ARHGAP10: variants seen among roughly 807,000 people sequenced by gnomAD.
ARHGAP10 encodes Rho GTPase activating protein 10, also known as rho GTPase-activating protein 10.
A neutral mutation model predicts 108.6 loss-of-function variants in ARHGAP10; 87 were observed. The ratio of observed to expected loss-of-function variants is 0.80; its 90% CI spans 0.67 to 0.96. ARHGAP10 has a LOEUF of 0.96. Ranked by LOEUF, ARHGAP10 falls within the 40% of genes least tolerant of loss-of-function variation. The pLI is 0.00. For missense variants in ARHGAP10, 939 were observed against 954.5 expected (o/e 0.98, Z 0.21); for synonymous variants, 347 against 341.1 (o/e 1.02, Z -0.19).
At chr4:147,854,825 A>G in intron 4 of ARHGAP10, 3 of 985,396 alleles carry the variant, frequency 3.0e-6, no homozygotes, top group Non-Finnish European at 3.6e-6. Flanking sequence ...GGACGAAGAT[A>G]TTTCTATTCT....
At chr4:147,915,317 T>C (rs1736930492) in intron 13 of ARHGAP10, among the ~76,000 whole-genome samples, 1 of 152,248 alleles carries the variant, frequency 6.6e-6, no homozygotes, top group Non-Finnish European at 1.5e-5. Flanking sequence ...TTGTTTCTTA[T>C]CCTGGTACCT....
chr4:148,048,826 C>T (rs1729000994), intron 20 of ARHGAP10, among the ~76,000 whole-genome samples: 1 of 152,022 alleles, frequency 6.6e-6, no homozygotes, highest in Admixed American at 6.6e-5. Flanking sequence ...TATTTTTGGT[C>T]ATAAATCAAA....
At chr4:147,868,610 G>A (rs1394442516) in intron 7 of ARHGAP10, among the ~76,000 whole-genome samples, 1 of 152,132 alleles carries the variant, frequency 6.6e-6, no homozygotes, top group Non-Finnish European at 1.5e-5. Context: ...GATAGTTCAC[G>A]TAAGTGGTCC....
At chr4:147,936,550 C>T (rs1057482476) in intron 13 of ARHGAP10, among the ~76,000 whole-genome samples, 1 of 151,690 alleles carries the variant, frequency 6.6e-6, no homozygotes, top group Admixed American at 6.6e-5. Context: ...AGGATGGTCT[C>T]GATCTCCTGA....
intron 15 of ARHGAP10, among the ~76,000 whole-genome samples, chr4:147,953,964 C>T (rs1391421592): frequency 2.0e-5 from 3 of 151,990 alleles, no homozygotes; most frequent in South Asian, 2.1e-4. Flanking sequence ...GTTTTTATTT[C>T]GTTCTTTTCA....
intron 1 of ARHGAP10, among the ~76,000 whole-genome samples, chr4:147,816,900 T>C (rs1290428237): frequency 6.6e-6 from 1 of 152,182 alleles, no homozygotes; most frequent in African/African-American, 2.4e-5. Flanking sequence ...TTAGAGTCTG[T>C]ACCCTGTTCC....
At chr4:147,839,676 G>A (rs1733333297) in intron 3 of ARHGAP10, among the ~76,000 whole-genome samples, 1 of 152,198 alleles carries the variant, frequency 6.6e-6, no homozygotes, top group African/African-American at 2.4e-5. Flanking sequence ...GATTTCCAGT[G>A]TGGGGGAATG....
At chr4:147,801,633 C>G (rs898858377) in intron 1 of ARHGAP10, among the ~76,000 whole-genome samples, 2 of 152,170 alleles carry the variant, frequency 1.3e-5, no homozygotes, top group Non-Finnish European at 2.9e-5. Flanking sequence ...AGAAAGTTCT[C>G]TCACTGGTTA....
chr4:147,834,155 C>T (rs186050327), intron 3 of ARHGAP10, among the ~76,000 whole-genome samples: 11 of 152,334 alleles, frequency 7.2e-5, no homozygotes, highest in African/African-American at 2.6e-4. Flanking sequence ...CCAGTCTACT[C>T]CTGTGATAAC....
chr4:148,043,543 T>TGA (rs1728723353), intron 19 of ARHGAP10, among the ~76,000 whole-genome samples: 2 of 142,044 alleles, frequency 1.4e-5, no homozygotes, highest in South Asian at 4.5e-4. Flanking sequence ...CTTTGAGAAG[T>TGA]CAAGACAGGA....
At chr4:147,753,930 CATT>C (rs1729267861) in intron 1 of ARHGAP10, among the ~76,000 whole-genome samples, 1 of 152,136 alleles carries the variant, frequency 6.6e-6, no homozygotes, top group Non-Finnish European at 1.5e-5. Context: ...GATGATGTGA[CATT>C]ATTTCATAGT....
At chr4:148,009,896 T>A (rs1741104738) in intron 18 of ARHGAP10, among the ~76,000 whole-genome samples, 1 of 152,224 alleles carries the variant, frequency 6.6e-6, no homozygotes, top group East Asian at 1.9e-4. Context: ...TTCAGAACGT[T>A]GTGAAGGCTG....
intron 22 of ARHGAP10, among the ~76,000 whole-genome samples, chr4:148,068,662 C>G (rs1730010833): frequency 1.3e-5 from 2 of 152,138 alleles, no homozygotes; most frequent in South Asian, 4.1e-4. Context: ...TAATGAGAAA[C>G]ACAACATTCA....
intron 1 of ARHGAP10, among the ~76,000 whole-genome samples, chr4:147,735,578 A>C (rs1303008909): frequency 6.6e-6 from 1 of 152,214 alleles, no homozygotes; most frequent in Admixed American, 6.5e-5. Flanking sequence ...CATAAAAACA[A>C]GGTTAGGAAT....
chr4:147,783,258 T>C (rs1000076917), intron 1 of ARHGAP10, among the ~76,000 whole-genome samples: 1 of 144,906 alleles, frequency 6.9e-6, no homozygotes, highest in Non-Finnish European at 1.5e-5. Flanking sequence ...AAATTATGTA[T>C]TGTATAATTT....
At chr4:147,974,741 C>A (rs1739529134) in intron 18 of ARHGAP10, among the ~76,000 whole-genome samples, 1 of 151,970 alleles carries the variant, frequency 6.6e-6, no homozygotes, top group South Asian at 2.1e-4. Context: ...AAAGACATAC[C>A]CAAGACTGGG....
At chr4:147,897,661 C>G (rs1460224013) in intron 10 of ARHGAP10, among the ~76,000 whole-genome samples, 5 of 152,090 alleles carry the variant, frequency 3.3e-5, no homozygotes, top group African/African-American at 1.2e-4. Context: ...TCTCTGTGCT[C>G]TTGTTACTAT....
chr4:147,983,558 T>TTCTGAAA (rs764071103), intron 18 of ARHGAP10, among the ~76,000 whole-genome samples: 10 of 152,092 alleles, frequency 6.6e-5, no homozygotes, highest in Non-Finnish European at 1.3e-4. Flanking sequence ...GATTTTTGAG[T>TTCTGAAA]TCTGAAATTC....
chr4:147,751,171 G>A lies in ARHGAP10; in HGVS notation c.154+18716G>A, dbSNP rs957313837. On this transcript the variant is annotated intron_variant, in intron 1 of 22. Coordinates refer to ENST00000336498, the MANE Select transcript of ARHGAP10 (RefSeq NM_024605.4). ...TCCAGCCTGGGCAACCGAGTGAGAC[G>A]CCACCTCAAAACCAAAAACAAAAAA... is the stretch of plus-strand genomic sequence containing the variant. Among the ~76,000 whole-genome samples the A allele has an allele frequency of 5.4e-4, 81 of 151,296 alleles. 1 individual carries two copies. The highest frequency in any genetic ancestry group is 1.8e-3 in the African/African-American group (75 of 41,068).
Sources: allele counts gnomAD v4.1 joint callset (sites outside exome capture counted in the v4.1 genomes callset), GRCh38; gene constraint gnomAD v4.1.1; transcripts MANE v1.5; gene names NCBI Gene and HGNC (gene_info 2026-07-23, HGNC 2026-07-21).